Variants in SOCS4 observed in about 807,000 individuals in gnomAD.
SOCS4 encodes the protein suppressor of cytokine signaling 4.
SOCS4 carries 20 observed loss-of-function variants against 34.1 expected under a neutral mutation model. That is an observed-to-expected ratio of 0.59 (90% CI 0.41 to 0.85). The LOEUF is 0.85. Ranked by LOEUF, SOCS4 falls within the 40% of genes least tolerant of loss-of-function variation. SOCS4 has a pLI of 0.00. For missense variants in SOCS4, 479 were observed against 532.4 expected, an observed-to-expected ratio of 0.90 and a Z score of 0.99; for synonymous variants, 180 against 186.4, an observed-to-expected ratio of 0.97 and a Z score of 0.28.
At position 55,043,943 on chromosome 14, in the gene SOCS4, A is replaced by G; in HGVS notation, c.902A>G (p.Glu301Gly). The G allele has an allele frequency of 1.2e-6, 2 of 1,614,144 alleles. No individual in the cohort carries two copies. The highest frequency in any genetic ancestry group is 1.7e-6 in the Non-Finnish European group (2 of 1,179,998). ...AAATACGCAGCCGAAGCACTACTGGAAGGAAAACCAGAGGGTACCTTTTTA... is the reference window on the plus strand; with the variant it reads ...AAATACGCAGCCGAAGCACTACTGGGAGGAAAACCAGAGGGTACCTTTTTA... ...MDKYAAEALL[E>G]GKPEGTFLLR... The change falls in exon 3 of 3, where the codon GAA becomes GGA. Residue 301 changes from glutamate to glycine, a missense_variant. Transcript: ENST00000555846.
In SOCS4 at chr14:55,046,363, T is replaced by C. The variant is rs2042676432; in HGVS notation, c.*1999T>C. ...TTTATCAGAATTTGATAAGATTTTC[T>C]GTTTCTGTGAAACAATTATTTTAAA... On this transcript the variant is annotated 3_prime_UTR_variant, in exon 3 of 3. Coordinates refer to ENST00000555846, the MANE Select transcript of SOCS4 (RefSeq NM_199421.2). The C allele has an allele frequency of 6.0e-6, 1 of 166,916 alleles. No individual in the cohort carries two copies. The highest frequency in any genetic ancestry group is 1.5e-5 in the Non-Finnish European group (1 of 68,040). The allele number at this position is 166,916 out of a possible 1,614,324, so 10.3% of individuals were successfully genotyped here. A position where few individuals can be genotyped will look rare whatever the true frequency, so the allele number is the denominator to read the frequency against.
At chr14:55,042,763 G>T (rs548321574) in intron 2 of SOCS4, among the ~76,000 whole-genome samples, 189 bp from the exon 3 acceptor site, 1 of 152,280 alleles carries the variant, frequency 6.6e-6, no homozygotes, top group Admixed American at 6.5e-5. Context: ...GCACTATTAA[G>T]TTATCATGTA....
intron 1 of SOCS4, 90 bp downstream of exon 1, chr14:55,027,561 G>T (rs1420953655): frequency 1.3e-5 from 2 of 152,642 alleles, no homozygotes; most frequent in Non-Finnish European, 2.9e-5. Context: ...AACAATATCC[G>T]GATCCCTAAA....
At position 55,043,354 on chromosome 14, in the gene SOCS4, A is replaced by G. The variant is rs376482696; in HGVS notation, c.313A>G (p.Ile105Val). The change falls in exon 3 of 3, where the codon ATA becomes GTA. Residue 105 changes from isoleucine to valine, a missense_variant. Transcript: ENST00000555846. ...AGATGCCGTGGGGCAGTGTTTTCCAATAAAGAATTGTAGTAGTCGGCACTC... is the reference window on the plus strand; with the variant it reads ...AGATGCCGTGGGGCAGTGTTTTCCAGTAAAGAATTGTAGTAGTCGGCACTC... ...LQDAVGQCFP[I>V]KNCSSRHSSG... The G allele has an allele frequency of 9.9e-6, 16 of 1,614,122 alleles. No individual in the cohort carries two copies. Among genetic ancestry groups the G allele is most frequent in the African/African-American group, 5.3e-5 (4 of 74,946 alleles).
chr14:55,037,394 C>T (rs548104277), intron 2 of SOCS4, among the ~76,000 whole-genome samples: 16 of 152,108 alleles, frequency 1.1e-4, no homozygotes, highest in African/African-American at 3.6e-4. Flanking sequence ...CCACCTGCCT[C>T]CCAAAGTCCT....
intron 1 of SOCS4, among the ~76,000 whole-genome samples, chr14:55,030,004 G>C (rs2042514171): frequency 6.6e-6 from 1 of 152,042 alleles, no homozygotes; most frequent in African/African-American, 2.4e-5. Context: ...GTGTTATATA[G>C]ATAGAAAAAC....
intron 2 of SOCS4, among the ~76,000 whole-genome samples, chr14:55,032,687 G>T (rs574328988): frequency 2.0e-5 from 3 of 152,286 alleles, no homozygotes; most frequent in Middle Eastern, 6.8e-3. Flanking sequence ...TACAGTCAAA[G>T]ATCTTTGATT....
At chr14:55,042,044 T>C (rs1451325825) in intron 2 of SOCS4, among the ~76,000 whole-genome samples, 1 of 152,062 alleles carries the variant, frequency 6.6e-6, no homozygotes, top group African/African-American at 2.4e-5. Context: ...GTAATCCGCC[T>C]GCCTCAGCCT....
Position 55,043,907 on chromosome 14 carries a change from G to T in SOCS4, c.866G>T (p.Gly289Val). 1 of 1,614,166 alleles carries T rather than the reference G, an allele frequency of 6.2e-7. No individual in the cohort carries two copies. Among genetic ancestry groups the T allele is most frequent in the Non-Finnish European group, 8.5e-7 (1 of 1,180,016 alleles). ...ATCAATAACAACCCATGTTACTGGG[G>T]AGTGATGGATAAATACGCAGCCGAA... ...LQINNNPCYW[G>V]VMDKYAAEAL... Residue 289 changes from glycine (G) to valine (V), a missense_variant, in exon 3 of 3, where the codon GGA becomes GTA. Physicochemically the swap from Gly to Val is moderately radical, Grantham distance 109. Transcript: ENST00000555846.
At chr14:55,033,721 C>T (rs544403396) in intron 2 of SOCS4, among the ~76,000 whole-genome samples, 2 of 152,328 alleles carry the variant, frequency 1.3e-5, no homozygotes, top group African/African-American at 2.4e-5. Context: ...AGTACTTTGT[C>T]TTGAGATAAT....
chr14:55,042,755 A>T (rs2042631371), intron 2 of SOCS4, among the ~76,000 whole-genome samples, 197 bp from the exon 3 acceptor site: 1 of 152,220 alleles, frequency 6.6e-6, no homozygotes, highest in African/African-American at 2.4e-5. Flanking sequence ...ACTCTATGGC[A>T]CTATTAAGTT....
intron 2 of SOCS4, among the ~76,000 whole-genome samples, chr14:55,032,491 G>A (rs1360144008): frequency 1.3e-5 from 2 of 151,618 alleles, no homozygotes; most frequent in African/African-American, 2.4e-5. Context: ...ATATAAACTT[G>A]CTTTTTAAAC....
At position 55,049,016 on chromosome 14, in the gene SOCS4, T is replaced by C. The variant is rs2042702527; in HGVS notation, c.*4652T>C. On this transcript the variant is annotated 3_prime_UTR_variant, in exon 3 of 3. Coordinates refer to ENST00000555846, the MANE Select transcript of SOCS4 (RefSeq NM_199421.2). ...AGTAGAGATAGCAGTACAATTTGAATTTATGGTTTAGGCTCTGCAATTAGA... is the reference window on the plus strand; with the variant it reads ...AGTAGAGATAGCAGTACAATTTGAACTTATGGTTTAGGCTCTGCAATTAGA... The C allele has an allele frequency of 1.2e-5, 2 of 167,024 alleles. No homozygotes were observed. Among genetic ancestry groups the C allele is most frequent in the South Asian group, 4.1e-4 (2 of 4,834 alleles). 10.3% of individuals were successfully genotyped at this position (167,024 alleles called of 1,614,324 possible).
Position 55,029,369 on chromosome 14 carries a change from G to A in SOCS4, c.-220+1898G>A, listed in dbSNP as rs188350853. 2.4e-3 allele frequency among the ~76,000 whole-genome samples: 367 copies of A among 152,256 alleles called. 2 individuals carry two copies. The Middle Eastern group carries it at 0.027, about 11-fold the overall frequency. On this transcript the variant is annotated intron_variant, in intron 1 of 2. Transcript: ENST00000555846. ...AACAGTGCTTATCTCATAGGTGTGGGTGGCTAAATGAACTGACTGAAAATG... is the reference window on the plus strand; with the variant it reads ...AACAGTGCTTATCTCATAGGTGTGGATGGCTAAATGAACTGACTGAAAATG...
In SOCS4 at chr14:55,046,008, C is replaced by G. The variant is rs879167904; in HGVS notation, c.*1644C>G. On this transcript the variant is annotated 3_prime_UTR_variant, in exon 3 of 3. Transcript: ENST00000555846. ...ATTATTACAAAATTAAGGAAAATCT[C>G]TATTACCGTTATCTTTTAGCATTTT... 6.0e-6 allele frequency: 1 copy of G among 166,616 alleles called. No individual in the cohort carries two copies. Among genetic ancestry groups the G allele is most frequent in the South Asian group, 2.1e-4 (1 of 4,814 alleles). The allele number at this position is 166,616 out of a possible 1,614,324, so 10.3% of individuals were successfully genotyped here.
At chr14:55,034,251 A>G (rs2042553043) in intron 2 of SOCS4, among the ~76,000 whole-genome samples, 1 of 152,262 alleles carries the variant, frequency 6.6e-6, no homozygotes, top group Admixed American at 6.5e-5. Context: ...GGAACAGCAC[A>G]GACAAATGAC....
chr14:55,029,243 G>A (rs986345160), intron 1 of SOCS4, among the ~76,000 whole-genome samples: 7 of 152,172 alleles, frequency 4.6e-5, no homozygotes, highest in Non-Finnish European at 1.0e-4. Context: ...TAGCAAAATT[G>A]TCTAGTTAGT....
chr14:55,040,668 C>T (rs573742743), intron 2 of SOCS4, among the ~76,000 whole-genome samples: 5 of 151,870 alleles, frequency 3.3e-5, no homozygotes, highest in African/African-American at 4.8e-5. Flanking sequence ...GGCATGTACC[C>T]GGGAGGCAGA....
rs1479492516 is a variant in SOCS4 at position 55,043,749 on chromosome 14, A to G, written c.708A>G (p.Thr236=). Residue 236 remains threonine (T), a synonymous_variant, in exon 3 of 3, where the codon ACA becomes ACG. Coordinates refer to ENST00000555846, the MANE Select transcript of SOCS4 (RefSeq NM_199421.2). ...SDMDSDDEIL[T]LCTSSRKRNK... Reference sequence around the variant, plus strand: ...TGGATTCCGATGATGAAATTCTAACACTTTGCACAAGTTCCAGAAAAAGAA... The same window carrying G: ...TGGATTCCGATGATGAAATTCTAACGCTTTGCACAAGTTCCAGAAAAAGAA... The G allele has an allele frequency of 1.9e-6, 3 of 1,614,008 alleles. No individual in the cohort carries two copies. Among genetic ancestry groups the G allele is most frequent in the Non-Finnish European group, 2.5e-6 (3 of 1,180,006 alleles).
Sources: allele counts gnomAD v4.1 joint callset (sites outside exome capture counted in the v4.1 genomes callset), GRCh38; gene constraint gnomAD v4.1.1; transcripts MANE v1.5; gene names NCBI Gene and HGNC (gene_info 2026-07-23, HGNC 2026-07-21).